ATP6V0A4: variants seen among roughly 807,000 people sequenced by gnomAD.
The protein encoded by ATP6V0A4 is ATPase H+ transporting V0 subunit a4, also known as V-type proton ATPase 116 kDa subunit a 4.
ATP6V0A4 carries 86 observed loss-of-function variants against 107.3 expected under a neutral mutation model. That is an observed-to-expected ratio of 0.80 (90% CI 0.67 to 0.96). The LOEUF is 0.96. Ranked by LOEUF, ATP6V0A4 falls within the 40% of genes least tolerant of loss-of-function variation. ATP6V0A4 has a pLI of 0.00. For missense variants in ATP6V0A4, 908 were observed against 1,045.6 expected (o/e 0.87, Z 1.81); for synonymous variants, 353 against 381.4 (o/e 0.93, Z 0.87).
chr7:138,718,149 A>G (rs1475776497), intron 19 of ATP6V0A4, among the ~76,000 whole-genome samples: 5 of 40,342 alleles, frequency 1.2e-4, no homozygotes, highest in Non-Finnish European at 1.6e-4. Context: ...CCAGGAAGGA[A>G]GGGGGGATGC....
chr7:138,718,569 C>CTA (rs1804246568), intron 19 of ATP6V0A4, among the ~76,000 whole-genome samples: 1 of 45,116 alleles, frequency 2.2e-5, no homozygotes. Context: ...GGGAGACATC[C>CTA]GGAGAGGCAT....
rs137879863 is a variant in ATP6V0A4 at position 138,739,395 on chromosome 7, G to A, written c.1572+145C>T. ...AACTTTTACTTGACTCTGGCTCTAT[G>A]TGTCACAAAAACGTCAGCAGAAGTT... On this transcript the variant is annotated intron_variant, in intron 15 of 21. Coordinates refer to ENST00000310018, the MANE Select transcript of ATP6V0A4 (RefSeq NM_020632.3). The A allele has an allele frequency of 5.4e-4, 544 of 1,004,090 alleles. 6 individuals are homozygous for A. The African/African-American group carries it at 7.3e-3, about 13-fold the overall frequency. The allele number at this position is 1,004,090 out of a possible 1,614,324, so 62.2% of individuals were successfully genotyped here. A position where few individuals can be genotyped will look rare whatever the true frequency, so the allele number is the denominator to read the frequency against.
intron 12 of ATP6V0A4, 93 bp from the exon 13 acceptor site, chr7:138,747,657 G>A (rs1178607077): frequency 2.1e-5 from 33 of 1,555,372 alleles, no homozygotes; most frequent in South Asian, 1.3e-4. Flanking sequence ...ATTTGCATGC[G>A]GGTTTCCTTA....
chr7:138,779,949 T>C (rs982231316), intron 2 of ATP6V0A4: 1 of 152,184 alleles, frequency 6.6e-6, no homozygotes, highest in African/African-American at 2.4e-5. Context: ...TTGTATCCAG[T>C]ATTTATAACT....
intron 7 of ATP6V0A4, 72 bp from the exon 8 acceptor site, chr7:138,759,950 GTGAAGACACACCA>G: frequency 6.2e-7 from 1 of 1,609,576 alleles, no homozygotes; most frequent in Non-Finnish European, 8.5e-7. Flanking sequence ...CCTGTAGGAC[GTGAAGACACACCA>G]TGAAAGGAAG....
At chr7:138,793,309 G>T (rs565243544) in intron 1 of ATP6V0A4, among the ~76,000 whole-genome samples, 1 of 152,040 alleles carries the variant, frequency 6.6e-6, no homozygotes, top group Non-Finnish European at 1.5e-5. Context: ...ATATAAAAGA[G>T]ATGAGGGATA....
intron 2 of ATP6V0A4, among the ~76,000 whole-genome samples, chr7:138,775,984 T>A (rs1224035441): frequency 6.6e-6 from 1 of 152,054 alleles, no homozygotes; most frequent in Non-Finnish European, 1.5e-5. Context: ...TTTTATAAAA[T>A]ATGACAACAT....
Position 138,715,704 on chromosome 7 carries a change from C to T in ATP6V0A4, c.2257+60G>A. 5 of 1,578,352 alleles carry T rather than the reference C, an allele frequency of 3.2e-6. 1 individual carries two copies. The South Asian group carries it at 4.5e-5, about 14-fold the overall frequency. On this transcript the variant is annotated intron_variant, in intron 20 of 21. Coordinates refer to ENST00000310018, the MANE Select transcript of ATP6V0A4 (RefSeq NM_020632.3). Reference sequence around the variant, plus strand: ...GTCACCTTTACTTCCAAATACATGGCACCTATTTCCTGGGGTGTTGGGGAG... The same window carrying T: ...GTCACCTTTACTTCCAAATACATGGTACCTATTTCCTGGGGTGTTGGGGAG...
At chr7:138,789,668 C>A (rs985900460) in intron 1 of ATP6V0A4, among the ~76,000 whole-genome samples, 2 of 151,344 alleles carry the variant, frequency 1.3e-5, no homozygotes, top group Non-Finnish European at 2.9e-5. Context: ...GTGAAATAAT[C>A]TTTAAGAATG....
chr7:138,746,912 A>C (rs1805980173), intron 13 of ATP6V0A4, among the ~76,000 whole-genome samples: 1 of 152,228 alleles, frequency 6.6e-6, no homozygotes, highest in Non-Finnish European at 1.5e-5. Flanking sequence ...AGGGTTTCTC[A>C]GTGTTCAGAA....
chr7:138,735,241 C>T (rs955497177), intron 15 of ATP6V0A4, among the ~76,000 whole-genome samples: 1 of 152,112 alleles, frequency 6.6e-6, no homozygotes, highest in Non-Finnish European at 1.5e-5. Context: ...CTCGGCAGCC[C>T]CATGGTCTCC....
intron 5 of ATP6V0A4, among the ~76,000 whole-genome samples, chr7:138,765,158 G>A (rs548412539): frequency 1.3e-5 from 2 of 152,124 alleles, no homozygotes; most frequent in South Asian, 4.1e-4. Flanking sequence ...TCCCTGAAAT[G>A]CTTAGTATTA....
chr7:138,781,221 T>G (rs768225879), intron 2 of ATP6V0A4, among the ~76,000 whole-genome samples: 1 of 152,270 alleles, frequency 6.6e-6, no homozygotes, highest in Non-Finnish European at 1.5e-5. Flanking sequence ...AAAAGCACCC[T>G]GCTCCTGCTG....
chr7:138,785,513 G>A (rs1045591824), intron 2 of ATP6V0A4, among the ~76,000 whole-genome samples: 1 of 151,926 alleles, frequency 6.6e-6, no homozygotes, highest in Non-Finnish European at 1.5e-5. Flanking sequence ...CTGACCTCAA[G>A]CAATCCACCT....
intron 14 of ATP6V0A4, among the ~76,000 whole-genome samples, chr7:138,743,889 C>T (rs923608936): frequency 2.0e-5 from 3 of 152,116 alleles, no homozygotes; most frequent in Admixed American, 6.6e-5. Flanking sequence ...AAGAGGCTGT[C>T]GCAATTTCTA....
chr7:138,747,645 C>G, intron 12 of ATP6V0A4, 81 bp from the exon 13 acceptor site: 1 of 1,578,024 alleles, frequency 6.3e-7, no homozygotes, highest in Non-Finnish European at 8.6e-7. Flanking sequence ...CACAGCTCCA[C>G]GATTTGCATG....
At chr7:138,765,085 G>A (rs1191312189) in intron 5 of ATP6V0A4, among the ~76,000 whole-genome samples, 1 of 152,116 alleles carries the variant, frequency 6.6e-6, no homozygotes, top group Non-Finnish European at 1.5e-5. Context: ...GTGAGCCACT[G>A]CGCCTGGCAC....
At chr7:138,791,313 G>T (rs1584955854) in intron 1 of ATP6V0A4, among the ~76,000 whole-genome samples, 2 of 152,116 alleles carry the variant, frequency 1.3e-5, no homozygotes, top group African/African-American at 4.8e-5. Flanking sequence ...AAAACAAAAA[G>T]ATAAAGAATA....
At chr7:138,754,277 C>T (rs961109490) in intron 10 of ATP6V0A4, among the ~76,000 whole-genome samples, 20 of 151,846 alleles carry the variant, frequency 1.3e-4, no homozygotes, top group African/African-American at 3.9e-4. Context: ...GGAGAAACCC[C>T]ATCTCTACTA....
Sources: allele counts gnomAD v4.1 joint callset (sites outside exome capture counted in the v4.1 genomes callset), GRCh38; gene constraint gnomAD v4.1.1; transcripts MANE v1.5; gene names NCBI Gene and HGNC (gene_info 2026-07-23, HGNC 2026-07-21).